The following SLCO1B3 variants were observed in gnomAD, a reference collection of about 807,000 sequenced individuals.
The protein encoded by SLCO1B3 is solute carrier organic anion transporter family member 1B3, also known as liver-specific organic anion transporter 2.
A neutral mutation model predicts 71.8 loss-of-function variants in SLCO1B3; 72 were observed. That is an observed-to-expected ratio of 1.00 (90% confidence interval 0.83 to 1.22). SLCO1B3 has a LOEUF of 1.22. SLCO1B3 is among the 50% of genes most tolerant of loss of function. SLCO1B3 has a pLI of 0.00. For synonymous variants in SLCO1B3, 298 were observed against 278.4 expected, an observed-to-expected ratio of 1.07 and a Z score of -0.70; for missense variants, 911 against 819.7, an observed-to-expected ratio of 1.11 and a Z score of -1.36.
At chr12:20,817,411 A>T (rs1221455365) in intron 3 of SLCO1B3, among the ~76,000 whole-genome samples, 2 of 152,092 alleles carry the variant, frequency 1.3e-5, no homozygotes, top group Non-Finnish European at 2.9e-5. Context: ...GTCTAGTTTC[A>T]TCCTAGCACC....
At chr12:20,847,761 G>A (rs1337119606) in intron 3 of SLCO1B3, among the ~76,000 whole-genome samples, 1 of 151,706 alleles carries the variant, frequency 6.6e-6, no homozygotes, top group East Asian at 1.9e-4. Context: ...ACCATCAGGT[G>A]AACCAGGATA....
At position 20,879,433 on chromosome 12, in the gene SLCO1B3, T is replaced by C. The variant is rs923728346; in HGVS notation, c.1136-3T>C. 8.9e-6 allele frequency: 14 copies of C among 1,567,210 alleles called. No individual in the cohort carries two copies. The Admixed American group carries it at 1.7e-4, about 19-fold the overall frequency. On this transcript the variant is annotated splice_polypyrimidine_tract_variant and splice_region_variant and intron_variant, in intron 10 of 15. Transcript: ENST00000381545. ...TAGCTTTTTTCTCTTCTTTTATTTC[T>C]AGGAATCATAACCATTCCTACGGTT...
At chr12:20,882,352 A>C (rs7956124) in intron 12 of SLCO1B3, among the ~76,000 whole-genome samples, 110,092 of 152,034 alleles carry the variant, frequency 0.72, 42,450 homozygotes, top group South Asian at 0.9. Context: ...CCTATTGAAA[A>C]AAAATAAAAG....
chr12:20,823,987 T>C (rs1189094697), intron 3 of SLCO1B3, among the ~76,000 whole-genome samples: 1 of 152,202 alleles, frequency 6.6e-6, no homozygotes, highest in East Asian at 1.9e-4. Flanking sequence ...AATTACGTCC[T>C]GTGATAAAAG....
intron 3 of SLCO1B3, among the ~76,000 whole-genome samples, chr12:20,828,587 C>T (rs11513214): frequency 0.45 from 68,248 of 151,686 alleles, 17,726 homozygotes; most frequent in South Asian, 0.64. Context: ...GAAAAAAGAA[C>T]TTTTTCTCAA....
chr12:20,890,982 AT>A (rs1193361992), intron 13 of SLCO1B3, among the ~76,000 whole-genome samples: 2 of 152,076 alleles, frequency 1.3e-5, no homozygotes, highest in African/African-American at 4.8e-5. Flanking sequence ...GCCAGACTAT[AT>A]TTTTTAAGAA....
chr12:20,865,855 A>G (rs559318069), intron 8 of SLCO1B3, among the ~76,000 whole-genome samples: 5 of 152,262 alleles, frequency 3.3e-5, no homozygotes, highest in Middle Eastern at 3.4e-3. Context: ...TCCCAGTCAC[A>G]GTATTAAATC....
chr12:20,858,293 G>A, intron 4 of SLCO1B3, 146 bp from the exon 5 acceptor site: 2 of 595,532 alleles, frequency 3.4e-6, no homozygotes, highest in Non-Finnish European at 5.9e-6. Flanking sequence ...GTTTAATGTA[G>A]GAGAGTTTAC....
chr12:20,904,622 G>A lies in SLCO1B3; in HGVS notation c.1865+3155G>A, dbSNP rs569046320. On this transcript the variant is annotated intron_variant, in intron 15 of 15. Coordinates refer to ENST00000381545, the MANE Select transcript of SLCO1B3 (RefSeq NM_019844.4). ...GGAGGACAGTGGCCCTCTTCTTATAGCTCCACTAGGTAGTGCCTCAATGGG... is the reference window on the plus strand; with the variant it reads ...GGAGGACAGTGGCCCTCTTCTTATAACTCCACTAGGTAGTGCCTCAATGGG... 9.9e-5 allele frequency among the ~76,000 whole-genome samples: 15 copies of A among 152,118 alleles called. No individual in the cohort carries two copies. In the South Asian group the frequency reaches 3.1e-3, roughly 32 times the overall value.
At chr12:20,835,730 G>C (rs1864665256) in intron 3 of SLCO1B3, among the ~76,000 whole-genome samples, 1 of 152,022 alleles carries the variant, frequency 6.6e-6, no homozygotes, top group African/African-American at 2.4e-5. Context: ...CCTGTCTTCT[G>C]AGCCCTCCAA....
In SLCO1B3 at chr12:20,850,483, C is replaced by T. The variant is rs148197038; in HGVS notation, c.85-4545C>T. Among the ~76,000 whole-genome samples, 867 of 151,878 alleles carry T rather than the reference C, an allele frequency of 5.7e-3. 11 individuals carry two copies. Among genetic ancestry groups the T allele is most frequent in the South Asian group, 0.025 (118 of 4,812 alleles). ...ATTCTTAGTAGAGATGAGGTTTCAC[C>T]GCATTAGCCAGGATGGTCTCGATCT... On this transcript the variant is annotated intron_variant, in intron 3 of 15. Transcript: ENST00000381545.
chr12:20,820,511 G>A (rs937372025), intron 3 of SLCO1B3, among the ~76,000 whole-genome samples: 2 of 152,198 alleles, frequency 1.3e-5, no homozygotes, highest in Non-Finnish European at 2.9e-5. Context: ...TGGCCACTGA[G>A]GTTCAGGCGT....
chr12:20,873,615 T>C (rs953475491), intron 8 of SLCO1B3, among the ~76,000 whole-genome samples: 6 of 152,196 alleles, frequency 3.9e-5, no homozygotes, highest in Non-Finnish European at 8.8e-5. Flanking sequence ...AAATTTTATT[T>C]TACTTTAAGT....
rs746463858 is a variant in SLCO1B3, at chr12:20,875,217, T to C, written c.728-18T>C. On this transcript the variant is annotated intron_variant, in intron 8 of 15. Coordinates refer to ENST00000381545, the MANE Select transcript of SLCO1B3 (RefSeq NM_019844.4). ...TCAAAACGATTTTTGACTGGCTTCTTTTAACTGTTTCTCCTAGGCACTATC... is the reference window on the plus strand; with the variant it reads ...TCAAAACGATTTTTGACTGGCTTCTCTTAACTGTTTCTCCTAGGCACTATC... 1 of 1,611,770 alleles carries C rather than the reference T, an allele frequency of 6.2e-7. No homozygotes were observed. The highest frequency in any genetic ancestry group is 8.5e-7 in the Non-Finnish European group (1 of 1,179,380).
chr12:20,882,348 GAAAAA>G (rs951036621), intron 12 of SLCO1B3, among the ~76,000 whole-genome samples: 2 of 151,940 alleles, frequency 1.3e-5, no homozygotes, highest in South Asian at 2.1e-4. Context: ...TATTCCTATT[GAAAAA>G]AAATAAAAGG....
chr12:20,849,939 TTTATAGA>T (rs1864991075), intron 3 of SLCO1B3, among the ~76,000 whole-genome samples: 1 of 151,798 alleles, frequency 6.6e-6, no homozygotes. Context: ...ACATCCAGTG[TTTATAGA>T]TTATAAAATT....
At chr12:20,850,251 T>C (rs1374885450) in intron 3 of SLCO1B3, among the ~76,000 whole-genome samples, 1 of 145,574 alleles carries the variant, frequency 6.9e-6, no homozygotes, top group Non-Finnish European at 1.5e-5. Context: ...TTTTTATTAT[T>C]ATTATTTTAT....
intron 13 of SLCO1B3, among the ~76,000 whole-genome samples, chr12:20,895,717 G>T (rs1021966563): frequency 1.3e-5 from 2 of 152,104 alleles, no homozygotes; most frequent in Admixed American, 1.3e-4. Context: ...TCTGGAGGAT[G>T]GTGACCCTCT....
intron 15 of SLCO1B3, among the ~76,000 whole-genome samples, chr12:20,909,697 C>T (rs1866335650): frequency 6.6e-6 from 1 of 152,032 alleles, no homozygotes; most frequent in Admixed American, 6.6e-5. Context: ...CTTACTTTCT[C>T]AGAGCAGAAT....
Sources: gnomAD v4.1 joint callset for allele counts (sites outside exome capture counted in the v4.1 genomes callset) on GRCh38, gnomAD v4.1.1 for gene constraint, MANE v1.5 for transcripts, NCBI Gene and HGNC (gene_info 2026-07-23, HGNC 2026-07-21) for gene names.